Variants in DNAJC17 observed in about 807,000 individuals in gnomAD.
The protein encoded by DNAJC17 is dnaJ homolog subfamily C member 17.
A neutral mutation model predicts 48.1 loss-of-function variants in DNAJC17; 35 were observed. The observed-to-expected ratio is 0.73, with a 90% CI of 0.56 to 0.96. DNAJC17 has a LOEUF of 0.96. Among genes scored for constraint, DNAJC17 ranks in the 50% least tolerant of loss-of-function variants. The pLI is 0.00. For synonymous variants in DNAJC17, 117 were observed against 142.7 expected, an observed-to-expected ratio of 0.82 and a Z score of 1.28; for missense variants, 355 against 377.1, an observed-to-expected ratio of 0.94 and a Z score of 0.48.
chr15:40,782,788 G>C (rs896706593), intron 1 of DNAJC17, among the ~76,000 whole-genome samples: 6 of 152,160 alleles, frequency 3.9e-5, no homozygotes, highest in Non-Finnish European at 7.3e-5. Context: ...ACCGGGCCCA[G>C]GACCTCTAGG....
At chr15:40,776,692 C>G (rs1040289215) in intron 4 of DNAJC17, 65 bp from the exon 5 acceptor site, 10 of 1,548,158 alleles carry the variant, frequency 6.5e-6, no homozygotes, top group Non-Finnish European at 5.3e-6. Context: ...CTCGGCCCAC[C>G]CCAGCTCTGG....
At chr15:40,807,038 G>A in intron 1 of DNAJC17, 2 of 575,042 alleles carry the variant, frequency 3.5e-6, no homozygotes, top group South Asian at 4.4e-5. Flanking sequence ...TCACAGTCAA[G>A]GCAGAAGCGG....
intron 4 of DNAJC17, among the ~76,000 whole-genome samples, chr15:40,777,643 A>G (rs1053843972): frequency 4.9e-4 from 75 of 151,920 alleles, no homozygotes; most frequent in Admixed American, 1.2e-3. Context: ...GCTTGAACCC[A>G]GGAGGCAGAG....
intron 10 of DNAJC17, among the ~76,000 whole-genome samples, chr15:40,773,328 A>G (rs558329497): frequency 6.6e-6 from 1 of 152,082 alleles, no homozygotes; most frequent in Non-Finnish European, 1.5e-5. Flanking sequence ...AGCCAGAGAC[A>G]CATCCAGAAA....
intron 2 of DNAJC17, 98 bp downstream of exon 2, chr15:40,779,830 C>T: frequency 7.2e-7 from 1 of 1,385,176 alleles, no homozygotes; most frequent in East Asian, 2.4e-5. Flanking sequence ...GCAATGTGTG[C>T]TTACACCCCA....
At chr15:40,796,908 C>T (rs1316720070) in intron 1 of DNAJC17, among the ~76,000 whole-genome samples, 1 of 152,146 alleles carries the variant, frequency 6.6e-6, no homozygotes. Context: ...TACGGGCGTG[C>T]GCCACCACAA....
At chr15:40,779,157 G>A in intron 4 of DNAJC17, 66 bp downstream of exon 4, 1 of 1,486,924 alleles carries the variant, frequency 6.7e-7, no homozygotes, top group Non-Finnish European at 9.4e-7. Context: ...GAAGCTTCAG[G>A]TGAGGGAGAT....
chr15:40,780,663 A>C, intron 1 of DNAJC17: 1 of 257,072 alleles, frequency 3.9e-6, no homozygotes, highest in Non-Finnish European at 7.8e-6. Context: ...AATATACAAA[A>C]ATTAGCTAGG....
rs368897833 is a variant in DNAJC17 at position 40,768,067 on chromosome 15, C to T, written c.793-5G>A. On this transcript the variant is annotated splice_polypyrimidine_tract_variant and splice_region_variant and intron_variant, in intron 10 of 10. Transcript: ENST00000220496. ...CCTCTCTGACAGCACTGAGCCCTGT[C>T]GGACAGGGCAGGGACAGGGAGGGGT... 2.8e-5 allele frequency: 43 copies of T among 1,552,618 alleles called. No homozygotes were observed. Among genetic ancestry groups the T allele is most frequent in the Middle Eastern group, 1.7e-4 (1 of 5,788 alleles).
At chr15:40,782,337 C>T (rs1889525466) in intron 1 of DNAJC17, among the ~76,000 whole-genome samples, 1 of 152,146 alleles carries the variant, frequency 6.6e-6, no homozygotes, top group African/African-American at 2.4e-5. Flanking sequence ...GGGAGGATCA[C>T]CTCAGCCAAG....
chr15:40,770,725 T>C lies in DNAJC17; in HGVS notation c.793-2663A>G. ...GACGAGCAGCCCCGGGCCACCCTGC[T>C]GGCCCCACCCAAGCCCCCACGCCTC... On this transcript the variant is annotated intron_variant, in intron 10 of 10. Transcript: ENST00000220496. The surrounding 1 kb of genome is among the most constrained non-coding windows in gnomAD (Gnocchi z 5.0). The C allele has an allele frequency of 4.5e-6, 7 of 1,545,916 alleles. No individual in the cohort carries two copies. The highest frequency in any genetic ancestry group is 6.1e-6 in the Non-Finnish European group (7 of 1,146,898).
chr15:40,783,331 G>A (rs1269696707), intron 1 of DNAJC17, among the ~76,000 whole-genome samples: 1 of 152,138 alleles, frequency 6.6e-6, no homozygotes, highest in Non-Finnish European at 1.5e-5. Flanking sequence ...ACACTGACAG[G>A]AGTCTGTTGG....
At chr15:40,781,424 CCA>C (rs1566824839) in intron 1 of DNAJC17, among the ~76,000 whole-genome samples, 1 of 150,578 alleles carries the variant, frequency 6.6e-6, no homozygotes, top group Non-Finnish European at 1.5e-5. Flanking sequence ...CACTTGAGCC[CCA>C]GAGGCGGAGG....
At chr15:40,792,568 ACTT>A in intron 1 of DNAJC17, 1 of 981,538 alleles carries the variant, frequency 1.0e-6, no homozygotes, top group Non-Finnish European at 1.2e-6. Context: ...TAATCCTGGC[ACTT>A]TGGGAGGCCG....
chr15:40,771,147 C>G, intron 10 of DNAJC17: 2 of 901,064 alleles, frequency 2.2e-6, no homozygotes. Flanking sequence ...CTTCTTCATC[C>G]TGGGGGAGGA....
intron 1 of DNAJC17, among the ~76,000 whole-genome samples, chr15:40,806,376 G>A (rs149024817): frequency 0.053 from 8,064 of 151,744 alleles, 460 homozygotes; most frequent in African/African-American, 0.15. Flanking sequence ...GTGCCACCAC[G>A]CCCGGCTAAT....
intron 1 of DNAJC17, among the ~76,000 whole-genome samples, chr15:40,791,456 A>T (rs1889803403): frequency 6.6e-6 from 1 of 152,030 alleles, no homozygotes; most frequent in Admixed American, 6.6e-5. Flanking sequence ...TGAACCTGGG[A>T]GGGGGAGGTT....
At chr15:40,792,333 T>C (rs1889828527) in intron 1 of DNAJC17, 2 of 450,996 alleles carry the variant, frequency 4.4e-6, no homozygotes, top group Admixed American at 1.3e-4. Flanking sequence ...ATAACCTCCC[T>C]CCCAGAAAAT....
chr15:40,801,737 CAAAAAAA>C (rs1048222450), intron 1 of DNAJC17, among the ~76,000 whole-genome samples: 3 of 63,842 alleles, frequency 4.7e-5, no homozygotes, highest in South Asian at 5.7e-4. Context: ...GACTCCGTCT[CAAAAAAA>C]AAAAAAAAAA....
Sources: allele counts gnomAD v4.1 joint callset (sites outside exome capture counted in the v4.1 genomes callset), GRCh38; gene constraint gnomAD v4.1.1; non-coding constraint Gnocchi (gnomAD v3.1); transcripts MANE v1.5; gene names NCBI Gene and HGNC (gene_info 2026-07-23, HGNC 2026-07-21).